The following KDM4C variants were observed in gnomAD, a reference collection of about 807,000 sequenced individuals.
The protein encoded by KDM4C is lysine demethylase 4C.
A neutral mutation model predicts 129.3 loss-of-function variants in KDM4C; 81 were observed. The ratio of observed to expected loss-of-function variants is 0.63; its 90% CI spans 0.52 to 0.75. KDM4C has a LOEUF of 0.75. Ranked by LOEUF, KDM4C falls within the 30% of genes least tolerant of loss-of-function variation. The pLI is 0.00. For missense variants in KDM4C, 1,457 were observed against 1,304.0 expected, an observed-to-expected ratio of 1.12 and a Z score of -1.81; for synonymous variants, 573 against 456.1, an observed-to-expected ratio of 1.26 and a Z score of -3.26.
chr9:6,804,322 G>T (rs981038822), intron 2 of KDM4C, among the ~76,000 whole-genome samples: 2 of 152,174 alleles, frequency 1.3e-5, no homozygotes, highest in Admixed American at 6.5e-5. Context: ...GGTAGGTTCA[G>T]ATTGGCCATG....
intron 17 of KDM4C, among the ~76,000 whole-genome samples, chr9:7,065,507 A>G (rs1205548293): frequency 1.3e-5 from 2 of 152,180 alleles, no homozygotes; most frequent in Non-Finnish European, 2.9e-5. Context: ...AAGTATGGTC[A>G]TGAAATATTT....
At chr9:6,814,400 G>A (rs1461029062) in intron 3 of KDM4C, among the ~76,000 whole-genome samples, 1 of 151,982 alleles carries the variant, frequency 6.6e-6, no homozygotes, top group South Asian at 2.1e-4. Context: ...TGTTGTTTTC[G>A]TGAAAGTAGT....
chr9:7,040,398 T>TGC (rs1458143622), intron 15 of KDM4C, among the ~76,000 whole-genome samples: 6 of 147,474 alleles, frequency 4.1e-5, no homozygotes, highest in African/African-American at 7.7e-5. Flanking sequence ...TGTGTGTGTG[T>TGC]GTGTGTGCGT....
intron 8 of KDM4C, among the ~76,000 whole-genome samples, chr9:6,920,821 C>T (rs1479954985): frequency 6.6e-6 from 1 of 152,096 alleles, no homozygotes; most frequent in African/African-American, 2.4e-5. Flanking sequence ...GGAACTACTT[C>T]ACCTTCTTTG....
chr9:6,889,228 T>C (rs867870277), intron 7 of KDM4C, among the ~76,000 whole-genome samples: 1,415 of 113,066 alleles, frequency 0.013, 34 homozygotes, highest in African/African-American at 0.047. Context: ...TGTGTGTGTG[T>C]GTGTGTGTGT....
chr9:6,785,651 A>C (rs1483765456), intron 1 of KDM4C, among the ~76,000 whole-genome samples: 2 of 152,284 alleles, frequency 1.3e-5, no homozygotes, highest in East Asian at 3.9e-4. Context: ...CTCTTCCTAA[A>C]AGGACACCAG....
At chr9:7,157,165 G>C (rs1013600062) in intron 19 of KDM4C, among the ~76,000 whole-genome samples, 2 of 152,078 alleles carry the variant, frequency 1.3e-5, no homozygotes, top group African/African-American at 4.8e-5. Flanking sequence ...GTCTGTTCTT[G>C]GTGTATAGGA....
intron 7 of KDM4C, among the ~76,000 whole-genome samples, chr9:6,892,542 T>C (rs1846248183): frequency 6.6e-6 from 1 of 152,182 alleles, no homozygotes; most frequent in Non-Finnish European, 1.5e-5. Flanking sequence ...ATTTGAATAA[T>C]TCTTTTAACA....
chr9:7,174,335 G>C (rs1313740894), intron 21 of KDM4C, among the ~76,000 whole-genome samples: 1 of 152,190 alleles, frequency 6.6e-6, no homozygotes, highest in Non-Finnish European at 1.5e-5. Flanking sequence ...TGGGGTTGGA[G>C]GGTGGGGAGA....
intron 17 of KDM4C, among the ~76,000 whole-genome samples, chr9:7,084,721 C>T (rs7032864): frequency 0.15 from 23,355 of 152,138 alleles, 2,959 homozygotes; most frequent in African/African-American, 0.35. Context: ...ATGAATGGAA[C>T]ATGTAATACC....
intron 2 of KDM4C, among the ~76,000 whole-genome samples, chr9:6,795,504 G>A (rs1827563661): frequency 6.6e-6 from 1 of 151,966 alleles, no homozygotes. Flanking sequence ...GATAATTTTT[G>A]TGTTTTTAGT....
In KDM4C at chr9:6,783,400, T is replaced by C. The variant is rs1176831530; in HGVS notation, c.-17-9572T>C. Reference sequence around the variant, plus strand: ...TAAGTTTTAGATTCATTATTGTCTCTATACAGCTTTATACTCATCTTCAAA... The same window carrying C: ...TAAGTTTTAGATTCATTATTGTCTCCATACAGCTTTATACTCATCTTCAAA... On this transcript the variant is annotated intron_variant, in intron 1 of 21. Transcript: ENST00000381309. Among the ~76,000 whole-genome samples, 3 of 152,328 alleles carry C rather than the reference T, an allele frequency of 2.0e-5. No homozygotes were observed. The East Asian group carries it at 5.8e-4, about 29-fold the overall frequency.
At chr9:6,791,860 T>C (rs1588291191) in intron 1 of KDM4C, among the ~76,000 whole-genome samples, 1 of 152,116 alleles carries the variant, frequency 6.6e-6, no homozygotes, top group East Asian at 1.9e-4. Flanking sequence ...CCATTTTTAC[T>C]AAAAATACAA....
chr9:6,905,888 T>C (rs1016082812), intron 8 of KDM4C, among the ~76,000 whole-genome samples: 1 of 152,202 alleles, frequency 6.6e-6, no homozygotes, highest in Non-Finnish European at 1.5e-5. Context: ...TATGTTCACA[T>C]TGAGGATCCT....
intron 6 of KDM4C, among the ~76,000 whole-genome samples, chr9:6,882,420 A>C (rs562457210): frequency 6.6e-6 from 1 of 152,328 alleles, no homozygotes; most frequent in East Asian, 1.9e-4. Flanking sequence ...AGGTAAATTG[A>C]GAAAGTGTAC....
intron 6 of KDM4C, among the ~76,000 whole-genome samples, chr9:6,881,523 A>G (rs756005957): frequency 4.6e-5 from 7 of 152,094 alleles, no homozygotes; most frequent in Non-Finnish European, 8.8e-5. Flanking sequence ...TTTTTCCACC[A>G]TTTTCTATTA....
At chr9:6,968,471 C>G (rs1421123396) in intron 8 of KDM4C, among the ~76,000 whole-genome samples, 1 of 152,130 alleles carries the variant, frequency 6.6e-6, no homozygotes, top group Non-Finnish European at 1.5e-5. Flanking sequence ...TTAGTCAGGT[C>G]TTCTCAGAGA....
intron 12 of KDM4C, among the ~76,000 whole-genome samples, chr9:7,010,091 T>C (rs374207324): frequency 2.0e-5 from 3 of 152,270 alleles, no homozygotes; most frequent in African/African-American, 7.2e-5. Context: ...GGTGCAGTAT[T>C]AAATCATAAA....
chr9:7,053,148 A>AAT (rs1830440390), intron 17 of KDM4C, among the ~76,000 whole-genome samples: 1 of 152,230 alleles, frequency 6.6e-6, no homozygotes. Flanking sequence ...AATGTCTTCC[A>AAT]TTATATGAAG....
Sources: gnomAD v4.1 joint callset for allele counts (sites outside exome capture counted in the v4.1 genomes callset) on GRCh38, gnomAD v4.1.1 for gene constraint, MANE v1.5 for transcripts, NCBI Gene and HGNC (gene_info 2026-07-23, HGNC 2026-07-21) for gene names.